The following ITPRID1 variants were observed in gnomAD, a reference collection of about 807,000 sequenced individuals.
ITPRID1 encodes the protein ITPR interacting domain containing 1.
In ITPRID1, 96 loss-of-function variants were observed where a neutral mutation model predicts 95.4. The ratio of observed to expected loss-of-function variants is 1.01; its 90% CI spans 0.85 to 1.19. ITPRID1 has a LOEUF of 1.19. Ranked by LOEUF, ITPRID1 falls within the 50% of genes most tolerant of loss-of-function variation. The probability of loss-of-function intolerance (pLI) is 0.00; values close to 1 mark genes in which losing one functional copy is unlikely to be tolerated. For missense variants in ITPRID1, 1,339 were observed against 1,252.9 expected (o/e 1.07, Z -1.04); for synonymous variants, 510 against 453.6 (o/e 1.12, Z -1.58).
At chr7:31,534,074 G>A (rs893856699) in intron 1 of ITPRID1, among the ~76,000 whole-genome samples, 1 of 152,154 alleles carries the variant, frequency 6.6e-6, no homozygotes, top group Non-Finnish European at 1.5e-5. Flanking sequence ...AGGGATCTAG[G>A]TTGTGTGCTC....
intron 1 of ITPRID1, among the ~76,000 whole-genome samples, chr7:31,542,747 T>A (rs919815133): frequency 6.6e-6 from 1 of 152,108 alleles, no homozygotes; most frequent in Non-Finnish European, 1.5e-5. Flanking sequence ...CTATGCCAAA[T>A]TTTGACACCT....
chr7:31,519,593 T>TCA (rs1783154507), intron 1 of ITPRID1, among the ~76,000 whole-genome samples: 1 of 54,676 alleles, frequency 1.8e-5, no homozygotes, highest in African/African-American at 6.6e-5. Context: ...TCTCTCTCTC[T>TCA]CTCTCTCTCT....
intron 10 of ITPRID1, among the ~76,000 whole-genome samples, chr7:31,605,186 A>G (rs1786565083): frequency 6.6e-6 from 1 of 151,204 alleles, no homozygotes; most frequent in Non-Finnish European, 1.5e-5. Context: ...TTGAATCTGG[A>G]GAGGTGATTA....
intron 12 of ITPRID1, among the ~76,000 whole-genome samples, chr7:31,644,413 C>T (rs1172526842): frequency 6.6e-6 from 1 of 152,136 alleles, no homozygotes; most frequent in Non-Finnish European, 1.5e-5. Flanking sequence ...TAAGAAGAAC[C>T]CTGTAAAGCA....
intron 1 of ITPRID1, among the ~76,000 whole-genome samples, chr7:31,530,900 G>A (rs12701112): frequency 0.58 from 88,745 of 152,054 alleles, 26,964 homozygotes; most frequent in Middle Eastern, 0.71. Context: ...TATATCTTCT[G>A]GTTCAGACAC....
intron 5 of ITPRID1, among the ~76,000 whole-genome samples, chr7:31,558,579 A>G (rs1467975151): frequency 6.6e-6 from 1 of 152,236 alleles, no homozygotes; most frequent in Non-Finnish European, 1.5e-5. Context: ...ACTAGGTTCT[A>G]GAGACCTTAA....
chr7:31,552,416 T>C (rs1294945642), intron 2 of ITPRID1, among the ~76,000 whole-genome samples: 6 of 152,282 alleles, frequency 3.9e-5, no homozygotes, highest in Middle Eastern at 3.4e-3. Flanking sequence ...AAATAATGAA[T>C]GTATAGAATT....
chr7:31,649,720 A>G (rs1264016097), intron 12 of ITPRID1, among the ~76,000 whole-genome samples: 2 of 152,168 alleles, frequency 1.3e-5, no homozygotes, highest in Non-Finnish European at 2.9e-5. Context: ...TGGGTCATGG[A>G]TTTCAAAGCA....
chr7:31,544,665 T>C (rs1050313302), intron 1 of ITPRID1, among the ~76,000 whole-genome samples: 1 of 152,168 alleles, frequency 6.6e-6, no homozygotes, highest in African/African-American at 2.4e-5. Context: ...TTGTAAGAAC[T>C]ATTGCTTGTA....
intron 10 of ITPRID1, among the ~76,000 whole-genome samples, chr7:31,621,960 C>G (rs369229114): frequency 6.8e-6 from 1 of 147,536 alleles, no homozygotes; most frequent in African/African-American, 2.5e-5. Flanking sequence ...CAATCCTAGT[C>G]TCTGATAAAA....
chr7:31,520,990 G>C (rs537770459), intron 1 of ITPRID1, among the ~76,000 whole-genome samples: 8 of 151,632 alleles, frequency 5.3e-5, no homozygotes, highest in Admixed American at 3.9e-4. Context: ...CTCATTTCTG[G>C]CTAGAAATTT....
intron 10 of ITPRID1, among the ~76,000 whole-genome samples, chr7:31,639,104 G>T (rs1789765893): frequency 1.3e-5 from 2 of 152,066 alleles, no homozygotes; most frequent in South Asian, 4.1e-4. Flanking sequence ...GTGCCTTGGT[G>T]TAGTTTTCTT....
intron 10 of ITPRID1, among the ~76,000 whole-genome samples, chr7:31,641,695 A>ATGAG (rs1372343768): frequency 6.6e-6 from 1 of 152,224 alleles, no homozygotes; most frequent in African/African-American, 2.4e-5. Flanking sequence ...GATCTAAAAC[A>ATGAG]TGAGCACAAA....
chr7:31,519,616 C>CCATATATATATATATATATA (rs1783163005), intron 1 of ITPRID1, among the ~76,000 whole-genome samples: 5 of 38,478 alleles, frequency 1.3e-4, no homozygotes, highest in East Asian at 1.8e-3. Flanking sequence ...CTCTCTCTCT[C>CCATATATATATATATATATA]TCTCTATATA....
In ITPRID1 at chr7:31,598,614, A is replaced by G. The variant is rs555169052; in HGVS notation, c.1228+15423A>G. On this transcript the variant is annotated intron_variant, in intron 10 of 14. Transcript: ENST00000615280. ...GGGACGGGGTTTCACCGTGTTAGCC[A>G]GGATGGTCTCTATCTCCTGACCTCG... Among the ~76,000 whole-genome samples the G allele has an allele frequency of 3.2e-4, 48 of 152,052 alleles. No individual in the cohort carries two copies. In the South Asian group the frequency reaches 6.8e-3, roughly 22 times the overall value.
intron 10 of ITPRID1, among the ~76,000 whole-genome samples, chr7:31,593,877 G>A (rs925535779): frequency 6.6e-6 from 1 of 152,114 alleles, no homozygotes; most frequent in Non-Finnish European, 1.5e-5. Context: ...TTTTTAAAAT[G>A]AGGAATAATT....
intron 10 of ITPRID1, among the ~76,000 whole-genome samples, chr7:31,637,041 C>A (rs1191351260): frequency 6.6e-6 from 1 of 151,906 alleles, no homozygotes; most frequent in Non-Finnish European, 1.5e-5. Context: ...CAGCTTCATC[C>A]ATGTCCCTAC....
intron 8 of ITPRID1, among the ~76,000 whole-genome samples, chr7:31,575,563 A>C (rs1785151024): frequency 6.6e-6 from 1 of 152,194 alleles, no homozygotes; most frequent in Admixed American, 6.5e-5. Context: ...TAATATGCCA[A>C]GGTGCACTTT....
chr7:31,519,958 A>G (rs550459740), intron 1 of ITPRID1, among the ~76,000 whole-genome samples: 15 of 151,754 alleles, frequency 9.9e-5, no homozygotes, highest in African/African-American at 3.6e-4. Context: ...GTTTTTACCT[A>G]ACTTTTTTTT....
Sources: gnomAD v4.1 joint callset for allele counts (sites outside exome capture counted in the v4.1 genomes callset) on GRCh38, gnomAD v4.1.1 for gene constraint, MANE v1.5 for transcripts, NCBI Gene and HGNC (gene_info 2026-07-23, HGNC 2026-07-21) for gene names.